FAT2: variants seen among roughly 807,000 people sequenced by gnomAD.
The protein encoded by FAT2 is protocadherin Fat 2.
A neutral mutation model predicts 295.3 loss-of-function variants in FAT2; 150 were observed. The ratio of observed to expected loss-of-function variants is 0.51; its 90% CI spans 0.44 to 0.58. The LOEUF (loss-of-function observed/expected upper bound fraction) is 0.58. Ranked by LOEUF, FAT2 falls within the 20% of genes least tolerant of loss-of-function variation. The pLI, the probability that FAT2 is intolerant of heterozygous loss-of-function variation, is 0.00. For missense variants in FAT2, 4,868 were observed against 5,442.7 expected, an observed-to-expected ratio of 0.89 and a Z score of 3.32; for synonymous variants, 2,026 against 2,150.3, an observed-to-expected ratio of 0.94 and a Z score of 1.60.
chr5:151,549,296 T>C lies in FAT2; in HGVS notation c.4788A>G (p.Lys1596=), dbSNP rs1444203933. The C allele has an allele frequency of 6.2e-7, 1 of 1,612,462 alleles. No individual in the cohort carries two copies. The highest frequency in any genetic ancestry group is 1.3e-5 in the African/African-American group (1 of 74,884). ...TGAGCTCATGGCCAGGCCTCTCACC[T>C]TTCAGGAGGGAGTAGTGGACCTCAG... ...VNAEVHYSLL[K]GNSEGFFNIN... Residue 1596 remains lysine (K), a splice_region_variant and synonymous_variant, in exon 9 of 24, where the codon AAA becomes AAG. Coordinates refer to ENST00000261800, the MANE Select transcript of FAT2 (RefSeq NM_001447.3).
At position 151,567,539 on chromosome 5, in the gene FAT2, C is replaced by G. The variant is rs751247727; in HGVS notation, c.1393G>C (p.Gly465Arg). Residue 465 changes from glycine (G) to arginine (R), a missense_variant, in exon 2 of 24, where the codon GGT becomes CGT. Coordinates refer to ENST00000261800, the MANE Select transcript of FAT2 (RefSeq NM_001447.3). Reference sequence around the variant, plus strand: ...GGAGGGATGTTCTCATCCAAGGTACCATCATAGGAAGACCTGTTGAAGAGG... The same window carrying G: ...GGAGGGATGTTCTCATCCAAGGTACGATCATAGGAAGACCTGTTGAAGAGG... ...APLFNRSSYD[G>R]TLDENIPPGT... 6.2e-7 allele frequency: 1 copy of G among 1,614,126 alleles called. No individual in the cohort carries two copies. Among genetic ancestry groups the G allele is most frequent in the East Asian group, 2.2e-5 (1 of 44,882 alleles).
chr5:151,548,386 C>T (rs1038579215), intron 9 of FAT2, among the ~76,000 whole-genome samples: 9 of 151,804 alleles, frequency 5.9e-5, no homozygotes, highest in Admixed American at 1.3e-4. Context: ...TGGATATTAT[C>T]GCTTTTGTTA....
At position 151,554,615 on chromosome 5, in the gene FAT2, C is replaced by T. The variant is rs781673616; in HGVS notation, c.3692G>A (p.Gly1231Asp). The T allele has an allele frequency of 1.2e-6, 2 of 1,614,004 alleles. No homozygotes were observed. The highest frequency in any genetic ancestry group is 1.1e-5 in the South Asian group (1 of 91,076). The change falls in exon 5 of 24, where the codon GGC becomes GAC. Residue 1231 changes from glycine to aspartate, a missense_variant. Around this residue, in one of 5 missense-constraint regions of FAT2, gnomAD observed 3,297 missense variants for 3,669.4 expected, o/e 0.90. Transcript: ENST00000261800. ...TGGATTGTCATTGACGTCCAAGATG[C>T]CTACCACCACCCTGGAGGTGGACTT... ...SLKSTSRVVV[G>D]ILDVNDNPPI...
At chr5:151,532,048 A>T (rs1403777710) in intron 13 of FAT2, 78 bp from the exon 14 acceptor site, 1 of 1,552,892 alleles carries the variant, frequency 6.4e-7, no homozygotes, top group Non-Finnish European at 8.7e-7. Flanking sequence ...CTGCAGCCAC[A>T]GGAGGGGCTG....
At chr5:151,594,693 C>T (rs757307740), upstream of FAT2, among the ~76,000 whole-genome samples, 2 of 152,166 alleles carry the variant, frequency 1.3e-5, no homozygotes, top group Non-Finnish European at 2.9e-5. Flanking sequence ...AGCTCTTTCT[C>T]CCTCCCTCCT....
Position 151,566,432 on chromosome 5 carries a change from C to T in FAT2, c.2500G>A (p.Glu834Lys). Residue 834 changes from glutamate to lysine, a missense_variant, in exon 2 of 24, where the codon GAA (glutamate) becomes AAA (lysine). Physicochemically the swap from Glu to Lys is moderately conservative, Grantham distance 56. This residue lies in a region of FAT2 where 3,297 missense variants were observed against 3,669.4 expected (regional missense o/e 0.90). Coordinates refer to ENST00000261800, the MANE Select transcript of FAT2 (RefSeq NM_001447.3). ...GYQLTISEDT[E>K]VGTTIAELTT... ...AGCTCTGCAATTGTGGTTCCAACTTCTGTGTCCTCCGAGATGGTTAACTGG... is the reference window on the plus strand; with the variant it reads ...AGCTCTGCAATTGTGGTTCCAACTTTTGTGTCCTCCGAGATGGTTAACTGG... 1.2e-6 allele frequency: 2 copies of T among 1,613,474 alleles called. No homozygotes were observed. The highest frequency in any genetic ancestry group is 1.7e-6 in the Non-Finnish European group (2 of 1,179,640).
Position 151,543,034 on chromosome 5 carries a change from A to G in FAT2, c.8093T>C (p.Phe2698Ser), listed in dbSNP as rs1756305952. 5.0e-6 allele frequency: 8 copies of G among 1,614,082 alleles called. No homozygotes were observed. The highest frequency in any genetic ancestry group is 6.8e-6 in the Non-Finnish European group (8 of 1,180,038). The change falls in exon 10 of 24, where the codon TTC (phenylalanine) becomes TCC (serine). Residue 2698 changes from phenylalanine (F) to serine (S), a missense_variant. Transcript: ENST00000261800. Reference sequence around the variant, plus strand: ...CTCTGGAAGGTCTTCAGGTGCAGAGAAAGTATACAAAGGTTCAGAAAATTT... The same window carrying G: ...CTCTGGAAGGTCTTCAGGTGCAGAGGAAGTATACAAAGGTTCAGAAAATTT... ...LPKFSEPLYT[F>S]SAPEDLPEGS...
At chr5:151,564,864 G>A (rs1758176952) in intron 2 of FAT2, among the ~76,000 whole-genome samples, 1 of 152,048 alleles carries the variant, frequency 6.6e-6, no homozygotes, top group African/African-American at 2.4e-5. Flanking sequence ...CCTGAGGTCA[G>A]GAGGTTGAGA....
intron 18 of FAT2, 117 bp from the exon 19 acceptor site, chr5:151,522,203 T>A: frequency 1.3e-6 from 1 of 761,496 alleles, no homozygotes; most frequent in Non-Finnish European, 2.1e-6. Flanking sequence ...ACTTGAGGGC[T>A]GGCTCAGCGC....
intron 10 of FAT2, among the ~76,000 whole-genome samples, chr5:151,541,585 G>A (rs996533159): frequency 1.4e-4 from 22 of 152,126 alleles, no homozygotes; most frequent in African/African-American, 5.3e-4. Flanking sequence ...ACCTGGGGAT[G>A]AGAAAAAAAG....
Position 151,521,312 on chromosome 5 carries a change from G to T in FAT2, c.11281C>A (p.Pro3761Thr). ...CAGCTCCTCTGCAGGTGGTGCCGCG[G>T]GGTTAGGATGCTGAGCCTGGCGGTG... ...YSTARLSILT[P>T]RHHLQRSCSC... The change falls in exon 19 of 24, where the codon CCG becomes ACG. Residue 3761 changes from proline to threonine, a missense_variant. Coordinates refer to ENST00000261800, the MANE Select transcript of FAT2 (RefSeq NM_001447.3). 2 of 1,612,960 alleles carry T rather than the reference G, an allele frequency of 1.2e-6. No homozygotes were observed. Among genetic ancestry groups the T allele is most frequent in the Non-Finnish European group, 1.7e-6 (2 of 1,179,062 alleles).
At chr5:151,585,008 C>T (rs1759116172) in intron 1 of FAT2, among the ~76,000 whole-genome samples, 1 of 152,158 alleles carries the variant, frequency 6.6e-6, no homozygotes, top group African/African-American at 2.4e-5. Context: ...GGGAAACTTG[C>T]CTCTAAATTA....
At position 151,505,908 on chromosome 5, in the gene FAT2, C is replaced by G. The variant is rs375900487; in HGVS notation, c.12707G>C (p.Arg4236Pro). The G allele has an allele frequency of 1.3e-6, 2 of 1,590,602 alleles. No individual in the cohort carries two copies. Among genetic ancestry groups the G allele is most frequent in the Non-Finnish European group, 8.5e-7 (1 of 1,170,220 alleles). The change falls in exon 24 of 24, where the codon CGG becomes CCG. Residue 4236 changes from arginine to proline, a missense_variant. By Grantham distance (103) the Arg-to-Pro change is moderately radical. Transcript: ENST00000261800. ...FPFPLEMENK[R>P]APLPPRYSNQ... ...GCTGTAACGGGGTGGGAGAGGTGCCCGCTTGTTTTCCATCTCCAGGGGGAA... is the reference window on the plus strand; with the variant it reads ...GCTGTAACGGGGTGGGAGAGGTGCCGGCTTGTTTTCCATCTCCAGGGGGAA...
chr5:151,526,108 A>G (rs139803737), intron 17 of FAT2, 143 bp from the exon 18 acceptor site: 5 of 826,726 alleles, frequency 6.0e-6, no homozygotes, highest in African/African-American at 1.7e-5. Flanking sequence ...GCTGCTGCTC[A>G]TTCATTCTGC....
chr5:151,514,719 A>T (rs1273456492), intron 20 of FAT2, among the ~76,000 whole-genome samples: 3 of 152,050 alleles, frequency 2.0e-5, no homozygotes, highest in African/African-American at 7.2e-5. Flanking sequence ...TCAGCTGATC[A>T]TCTCACATCC....
At chr5:151,506,233 C>A in intron 23 of FAT2, 136 bp from the exon 24 acceptor site, 1 of 879,212 alleles carries the variant, frequency 1.1e-6, no homozygotes, top group Non-Finnish European at 1.6e-6. Flanking sequence ...TGCAGGTTGT[C>A]TCTGTTGGCT....
At chr5:151,509,560 G>A (rs1349586080) in intron 22 of FAT2, 1 of 159,554 alleles carries the variant, frequency 6.3e-6, no homozygotes, top group Non-Finnish European at 1.4e-5. Context: ...TGTGAACTGT[G>A]CATGTAAGGG....
In FAT2 at chr5:151,551,493, C is replaced by T. The variant is rs1426495126; in HGVS notation, c.4270G>A (p.Asp1424Asn). Residue 1424 changes from aspartate to asparagine, a missense_variant, in exon 7 of 24, where the codon GAT (aspartate) becomes AAT (asparagine). By Grantham distance (23) the Asp-to-Asn change is conservative. Around this residue, in one of 5 missense-constraint regions of FAT2, gnomAD observed 3,297 missense variants for 3,669.4 expected, o/e 0.90. Coordinates refer to ENST00000261800, the MANE Select transcript of FAT2 (RefSeq NM_001447.3). ...TGTGTGGCAATGGTGCGGGACCCAT[C>T]TGTCACCTCAACAGTCAAGTTATAG... is the stretch of plus-strand genomic sequence containing the variant. ...SNYNLTVEVT[D>N]GSRTIATQVH... 1 of 1,614,094 alleles carries T rather than the reference C, an allele frequency of 6.2e-7. No homozygotes were observed. The highest frequency in any genetic ancestry group is 1.3e-5 in the African/African-American group (1 of 74,932).
Position 151,563,309 on chromosome 5 carries a change from C to G in FAT2, c.3574+16G>C, listed in dbSNP as rs367824443. The G allele has an allele frequency of 6.2e-7, 1 of 1,611,754 alleles. No homozygotes were observed. The highest frequency in any genetic ancestry group is 1.3e-5 in the African/African-American group (1 of 74,900). ...ATTGTAGAGATCCCTGTTCACCCAG[C>G]TTTTTGGATCCTTACCTGTAACAGG... On this transcript the variant is annotated intron_variant, in intron 3 of 23. Coordinates refer to ENST00000261800, the MANE Select transcript of FAT2 (RefSeq NM_001447.3).
Sources: gnomAD v4.1 joint callset for allele counts (sites outside exome capture counted in the v4.1 genomes callset) on GRCh38, gnomAD v4.1.1 for gene constraint, gnomAD v4.1.1 regional missense constraint, MANE v1.5 for transcripts, NCBI Gene and HGNC (gene_info 2026-07-23, HGNC 2026-07-21) for gene names.